Variants in DOCK7 observed in about 807,000 individuals in gnomAD.
The protein encoded by DOCK7 is dedicator of cytokinesis protein 7.
A neutral mutation model predicts 271.0 loss-of-function variants in DOCK7; 138 were observed. That is an observed-to-expected ratio of 0.51 (90% CI 0.44 to 0.59). The LOEUF is 0.59. DOCK7 is among the 20% of genes least tolerant of loss of function. The pLI, the probability that DOCK7 is intolerant of heterozygous loss-of-function variation, is 0.00. For missense variants in DOCK7, 2,066 were observed against 2,592.4 expected, an observed-to-expected ratio of 0.80 and a Z score of 4.41; for synonymous variants, 823 against 876.1, an observed-to-expected ratio of 0.94 and a Z score of 1.07.
intron 48 of DOCK7, among the ~76,000 whole-genome samples, chr1:62,471,259 T>C (rs865938911): frequency 6.6e-6 from 1 of 152,118 alleles, no homozygotes; most frequent in African/African-American, 2.4e-5. Flanking sequence ...GTCAAAAGTT[T>C]TCATGGGTTT....
chr1:62,555,826 T>C lies in DOCK7; in HGVS notation c.2595A>G (p.Pro865=), dbSNP rs1646123525. 1 of 1,605,770 alleles carries C rather than the reference T, an allele frequency of 6.2e-7. No individual in the cohort carries two copies. The highest frequency in any genetic ancestry group is 1.3e-5 in the African/African-American group (1 of 74,526). The change falls in exon 21 of 50, where the codon CCA becomes CCG. Residue 865 remains proline, a splice_region_variant and synonymous_variant. Transcript: ENST00000635253. The part of the protein sequence containing the change: ...LPNTYPNSSS[P]GPGGLGGSVH... ...TTCATAGTAAAAAGAATAAAATACCTGGTGATGATGAATTAGGGTAAGTAT... is the reference window on the plus strand; with the variant it reads ...TTCATAGTAAAAAGAATAAAATACCCGGTGATGATGAATTAGGGTAAGTAT...
chr1:62,552,373 C>T lies in DOCK7; in HGVS notation c.2766+359G>A, dbSNP rs149734587. On this transcript the variant is annotated intron_variant, in intron 22 of 49. Coordinates refer to ENST00000635253, the MANE Select transcript of DOCK7 (RefSeq NM_001367561.1). ...GGATATTTTTTGGAGAAGAGGATCT[C>T]ATGACTTGAATCAATGATGACATCT... Among the ~76,000 whole-genome samples the T allele has an allele frequency of 2.0e-3, 297 of 152,218 alleles. 2 individuals carry two copies. In the South Asian group the frequency reaches 0.027, roughly 14 times the overall value.
At chr1:62,488,846 G>C (rs774407742) in intron 42 of DOCK7, 88 bp downstream of exon 42, 3 of 1,524,836 alleles carry the variant, frequency 2.0e-6, no homozygotes, top group Non-Finnish European at 2.7e-6. Flanking sequence ...CATTTCACGG[G>C]ATCTAGTTTG....
At chr1:62,552,610 A>C (rs1571510972) in intron 22 of DOCK7, 122 bp downstream of exon 22, 2 of 954,336 alleles carry the variant, frequency 2.1e-6, no homozygotes, top group South Asian at 4.4e-5. Flanking sequence ...AGAAATGTAC[A>C]ATTCCTTCCT....
At position 62,488,910 on chromosome 1, in the gene DOCK7, GAAGCTAGA is replaced by G. The variant is rs1442201828; in HGVS notation, c.5493+16_5493+23del. On this transcript the variant is annotated intron_variant, in intron 42 of 49. Coordinates refer to ENST00000635253, the MANE Select transcript of DOCK7 (RefSeq NM_001367561.1). ...TCAGACAGTTTTTTCCCTTTATAGT[GAAGCTAGA>G]AATTGGAATCATTACCTGATGAACA... 1.2e-6 allele frequency: 2 copies of G among 1,613,020 alleles called. No individual in the cohort carries two copies. Among genetic ancestry groups the G allele is most frequent in the African/African-American group, 2.7e-5 (2 of 74,864 alleles).
intron 29 of DOCK7, among the ~76,000 whole-genome samples, chr1:62,534,488 G>A (rs894340887): frequency 2.6e-5 from 4 of 152,018 alleles, no homozygotes; most frequent in Non-Finnish European, 4.4e-5. Flanking sequence ...GGTGGCACGC[G>A]CCTGTAGTCC....
At chr1:62,688,179 G>A (rs1046381889) in intron 1 of DOCK7, 48 bp downstream of exon 1, 6 of 1,351,294 alleles carry the variant, frequency 4.4e-6, no homozygotes, top group Non-Finnish European at 4.8e-6. Flanking sequence ...GGACTCCGCG[G>A]CTCTTTCTCG....
intron 48 of DOCK7, among the ~76,000 whole-genome samples, chr1:62,468,910 C>G (rs1165343201): frequency 1.3e-5 from 2 of 151,946 alleles, no homozygotes; most frequent in African/African-American, 2.4e-5. Flanking sequence ...CATTGCTGAA[C>G]TAAATCACAG....
intron 31 of DOCK7, among the ~76,000 whole-genome samples, chr1:62,524,189 T>C (rs943008621): frequency 1.1e-4 from 16 of 152,178 alleles, no homozygotes; most frequent in African/African-American, 3.9e-4. Flanking sequence ...AATGACCAGA[T>C]TGGCAAAAAT....
At chr1:62,673,958 G>A (rs1660278959) in intron 1 of DOCK7, among the ~76,000 whole-genome samples, 1 of 151,648 alleles carries the variant, frequency 6.6e-6, no homozygotes, top group South Asian at 2.1e-4. Flanking sequence ...GGGGGAAGGG[G>A]GGGAGGTAGG....
chr1:62,645,038 A>G (rs1195184651), intron 7 of DOCK7, among the ~76,000 whole-genome samples: 1 of 152,192 alleles, frequency 6.6e-6, no homozygotes, highest in Non-Finnish European at 1.5e-5. Flanking sequence ...TGATAAAAAA[A>G]ACAGATAATA....
intron 35 of DOCK7, among the ~76,000 whole-genome samples, chr1:62,507,487 A>G (rs1210407134): frequency 6.6e-6 from 1 of 152,260 alleles, no homozygotes; most frequent in African/African-American, 2.4e-5. Context: ...TTAACACAGA[A>G]AAAACTAAAT....
chr1:62,465,164 A>G (rs1645640902), intron 48 of DOCK7, among the ~76,000 whole-genome samples: 1 of 152,190 alleles, frequency 6.6e-6, no homozygotes, highest in African/African-American at 2.4e-5. Flanking sequence ...GGTGAGCTCA[A>G]ATGTATCTGC....
At position 62,688,344 on chromosome 1, in the gene DOCK7, T is replaced by C; in HGVS notation, c.-80A>G. 3.1e-6 allele frequency: 3 copies of C among 978,456 alleles called. No individual in the cohort carries two copies. Among genetic ancestry groups the C allele is most frequent in the Non-Finnish European group, 3.9e-6 (3 of 774,634 alleles). The allele number at this position is 978,456 out of a possible 1,614,324, so 60.6% of individuals were successfully genotyped here. A position where few individuals can be genotyped will look rare whatever the true frequency, so the allele number is the denominator to read the frequency against. ...CGGCGGGCGCGTGCCTCCTCGCTCG[T>C]GCTCCCTCCCTCGCGGCCTCCGCCA... On this transcript the variant is annotated 5_prime_UTR_variant, in exon 1 of 50. Transcript: ENST00000635253.
rs1179389135 is a variant in DOCK7 at position 62,511,661 on chromosome 1, G to C, written c.4283-988C>G. Among the ~76,000 whole-genome samples, 5 of 151,836 alleles carry C rather than the reference G, an allele frequency of 3.3e-5. No individual in the cohort carries two copies. The South Asian group carries it at 6.3e-4, about 19-fold the overall frequency. ...CATTTCCTGTACAATAAAGGACATG[G>C]CTCTATTTCTTCTAATTTCTTTCCC... On this transcript the variant is annotated intron_variant, in intron 33 of 49. Coordinates refer to ENST00000635253, the MANE Select transcript of DOCK7 (RefSeq NM_001367561.1).
chr1:62,652,337 A>G (rs927448634), intron 4 of DOCK7, among the ~76,000 whole-genome samples: 4 of 152,116 alleles, frequency 2.6e-5, no homozygotes, highest in African/African-American at 4.8e-5. Context: ...CTAGTTCACC[A>G]AAAGTACTCC....
intron 13 of DOCK7, among the ~76,000 whole-genome samples, chr1:62,619,396 C>A (rs932189731): frequency 1.3e-5 from 2 of 152,122 alleles, no homozygotes; most frequent in Non-Finnish European, 2.9e-5. Context: ...ATTTTAAGAC[C>A]CAACCCCTAG....
At chr1:62,652,199 C>A (rs1657467393) in intron 4 of DOCK7, among the ~76,000 whole-genome samples, 1 of 152,160 alleles carries the variant, frequency 6.6e-6, no homozygotes, top group South Asian at 2.1e-4. Flanking sequence ...CCTGCATTCA[C>A]TGGTTCTGAG....
chr1:62,542,054 T>C (rs1645552876), intron 25 of DOCK7, among the ~76,000 whole-genome samples: 1 of 151,962 alleles, frequency 6.6e-6, no homozygotes, highest in Non-Finnish European at 1.5e-5. Context: ...AAAAAAATTT[T>C]TTTGGTAGAT....
Sources: gnomAD v4.1 joint callset for allele counts (sites outside exome capture counted in the v4.1 genomes callset) on GRCh38, gnomAD v4.1.1 for gene constraint, MANE v1.5 for transcripts, NCBI Gene and HGNC (gene_info 2026-07-23, HGNC 2026-07-21) for gene names.